ABTB3: variants seen among roughly 807,000 people sequenced by gnomAD.
ABTB3 encodes ankyrin repeat- and BTB/POZ domain-containing protein 3.
chr12:107,454,397 G>T, the ABTB3 span, among the ~76,000 whole-genome samples: 3 of 152,222 alleles, frequency 2.0e-5, no homozygotes, highest in Non-Finnish European at 2.9e-5. Context: ...TGGCCATGAA[G>T]CTGGTTTTGC....
the ABTB3 span, among the ~76,000 whole-genome samples, chr12:107,324,266 C>T: frequency 6.6e-6 from 1 of 152,108 alleles, no homozygotes; most frequent in East Asian, 1.9e-4. Flanking sequence ...ACTGGATCCT[C>T]CTTTTTATTA....
the ABTB3 span, among the ~76,000 whole-genome samples, chr12:107,519,334 T>TC: frequency 6.8e-6 from 1 of 146,304 alleles, no homozygotes; most frequent in Non-Finnish European, 1.5e-5. Flanking sequence ...TCTTTTTCTT[T>TC]TTTTTTTTTT....
the ABTB3 span, among the ~76,000 whole-genome samples, chr12:107,641,410 T>G: frequency 1.3e-4 from 20 of 152,178 alleles, no homozygotes; most frequent in Non-Finnish European, 2.5e-4. Context: ...TCTTTGCAAC[T>G]CTTCTGTAAA....
chr12:107,623,358 C>CTT, the ABTB3 span, among the ~76,000 whole-genome samples: 1,844 of 69,702 alleles, frequency 0.026, 316 homozygotes, highest in African/African-American at 0.032. Context: ...CACGCCTGGC[C>CTT]TTTTTTTTTT....
the ABTB3 span, among the ~76,000 whole-genome samples, chr12:107,371,567 C>T: frequency 6.6e-6 from 1 of 152,168 alleles, no homozygotes; most frequent in Non-Finnish European, 1.5e-5. Flanking sequence ...GGATTCGTTG[C>T]TTTTCCCTCT....
chr12:107,546,042 ATTC>A, the ABTB3 span, among the ~76,000 whole-genome samples: 2 of 152,214 alleles, frequency 1.3e-5, no homozygotes, highest in East Asian at 1.9e-4. Flanking sequence ...TTGCAGGCTG[ATTC>A]TTCTTCTCCT....
chr12:107,370,152 C>A, the ABTB3 span, among the ~76,000 whole-genome samples: 2 of 152,246 alleles, frequency 1.3e-5, no homozygotes, highest in African/African-American at 4.8e-5. Context: ...TTTCCCCAGG[C>A]CTCACCAAGG....
the ABTB3 span, among the ~76,000 whole-genome samples, chr12:107,538,300 T>A: frequency 6.6e-6 from 1 of 152,166 alleles, no homozygotes; most frequent in Non-Finnish European, 1.5e-5. Flanking sequence ...TCTTATTAGT[T>A]CTCTGTGCCT....
At chr12:107,360,323 G>A in the ABTB3 span, among the ~76,000 whole-genome samples, 1 of 152,188 alleles carries the variant, frequency 6.6e-6, no homozygotes, top group Admixed American at 6.5e-5. Flanking sequence ...GGGGCTTTGA[G>A]GGATTAGGGT....
chr12:107,512,134 TC>T, the ABTB3 span, among the ~76,000 whole-genome samples: 2 of 151,404 alleles, frequency 1.3e-5, no homozygotes, highest in African/African-American at 4.9e-5. Flanking sequence ...ATCCCCTAAA[TC>T]CCCCCAAAAA....
chr12:107,508,014 T>C, the ABTB3 span, among the ~76,000 whole-genome samples: 6 of 152,218 alleles, frequency 3.9e-5, no homozygotes, highest in African/African-American at 1.4e-4. Context: ...TTAATTTTCA[T>C]TGAAGTCCTA....
chr12:107,440,054 T>A, the ABTB3 span, among the ~76,000 whole-genome samples: 1 of 152,134 alleles, frequency 6.6e-6, no homozygotes, highest in Non-Finnish European at 1.5e-5. Context: ...TTATTAGAAG[T>A]CTTGTCTGGT....
chr12:107,402,037 G>A, the ABTB3 span, among the ~76,000 whole-genome samples: 12 of 151,196 alleles, frequency 7.9e-5, no homozygotes, highest in African/African-American at 1.5e-4. Context: ...GATGGAGATC[G>A]GTGTAAAAAA....
chr12:107,513,877 T>C, the ABTB3 span, among the ~76,000 whole-genome samples: 5 of 152,184 alleles, frequency 3.3e-5, no homozygotes, highest in African/African-American at 1.2e-4. Flanking sequence ...GCAGCTTTCA[T>C]ATTTTTTGTT....
the ABTB3 span, among the ~76,000 whole-genome samples, chr12:107,378,230 C>T: frequency 6.6e-6 from 1 of 152,208 alleles, no homozygotes; most frequent in African/African-American, 2.4e-5. Context: ...CAGACATGGT[C>T]TCTTAACCTC....
chr12:107,540,915 C>T, the ABTB3 span, among the ~76,000 whole-genome samples: 6 of 152,266 alleles, frequency 3.9e-5, no homozygotes, highest in East Asian at 7.7e-4. Flanking sequence ...GTGGGAGGAT[C>T]GCTTGAGCCC....
chr12:107,380,301 C>A, the ABTB3 span, among the ~76,000 whole-genome samples: 1 of 152,182 alleles, frequency 6.6e-6, no homozygotes, highest in African/African-American at 2.4e-5. Flanking sequence ...GTATAATTTG[C>A]TGGGATTAGG....
At chr12:107,483,473 G>A in the ABTB3 span, among the ~76,000 whole-genome samples, 7 of 152,268 alleles carry the variant, frequency 4.6e-5, no homozygotes, top group African/African-American at 1.4e-4. Flanking sequence ...TGACATTGCA[G>A]ACGCTCCCTG....
the ABTB3 span, chr12:107,581,155 C>G: frequency 3.2e-6 from 5 of 1,542,048 alleles, no homozygotes; most frequent in Admixed American, 3.9e-5. Flanking sequence ...ACCGCAGGCC[C>G]TTCCTCGTGC....
Sources: allele counts gnomAD v4.1 joint callset (sites outside exome capture counted in the v4.1 genomes callset), GRCh38; gene constraint gnomAD v4.1.1; transcripts MANE v1.5; gene names NCBI Gene and HGNC (gene_info 2026-07-23, HGNC 2026-07-21).